Variants in MARCHF8 observed in about 807,000 individuals in gnomAD.
The protein encoded by MARCHF8 is membrane associated ring-CH-type finger 8.
MARCHF8 carries 40 observed loss-of-function variants against 51.6 expected under a neutral mutation model. The observed-to-expected ratio is 0.77, with a 90% CI of 0.60 to 1.01. The LOEUF is 1.01. MARCHF8 is among the 50% of genes least tolerant of loss of function. MARCHF8 has a pLI of 0.00. For synonymous variants in MARCHF8, 263 were observed against 280.3 expected, an observed-to-expected ratio of 0.94 and a Z score of 0.62; for missense variants, 685 against 708.6, an observed-to-expected ratio of 0.97 and a Z score of 0.38.
intron 1 of MARCHF8, among the ~76,000 whole-genome samples, chr10:45,571,865 T>C (rs1589187914): frequency 6.6e-6 from 1 of 152,200 alleles, no homozygotes; most frequent in South Asian, 2.1e-4. Flanking sequence ...GAGACATGTT[T>C]TATCCGTGGA....
chr10:45,542,092 TC>T (rs1164649803), intron 1 of MARCHF8, among the ~76,000 whole-genome samples: 1 of 152,150 alleles, frequency 6.6e-6, no homozygotes, highest in Non-Finnish European at 1.5e-5. Flanking sequence ...ATGCCGGTAA[TC>T]CCAGCACTCT....
Position 45,535,246 on chromosome 10 carries a change from T to C in MARCHF8, c.-114A>G, listed in dbSNP as rs2043955246. 6.6e-6 allele frequency: 1 copy of C among 152,238 alleles called. No homozygotes were observed. The highest frequency in any genetic ancestry group is 2.1e-4 in the South Asian group (1 of 4,836). 9.4% of individuals were successfully genotyped at this position (152,238 alleles called of 1,614,324 possible). On this transcript the variant is annotated 5_prime_UTR_variant, in exon 1 of 8. Coordinates refer to ENST00000453424, the MANE Select transcript of MARCHF8 (RefSeq NM_001282866.2). ...CCTTATACTCCCTGGGAGATCACAATAGTCAGTGGTAAGCAGTTTTTTCAT... is the reference window on the plus strand; with the variant it reads ...CCTTATACTCCCTGGGAGATCACAACAGTCAGTGGTAAGCAGTTTTTTCAT...
At position 45,466,899 on chromosome 10, in the gene MARCHF8, G is replaced by A. The variant is rs74319254; in HGVS notation, c.154-2572C>T. 2.4e-4 allele frequency among the ~76,000 whole-genome samples: 37 copies of A among 152,332 alleles called. No homozygotes were observed. The East Asian group carries it at 6.9e-3, about 29-fold the overall frequency. Reference sequence around the variant, plus strand: ...CAAGGCCTGAAGGTAGGAGGGCAGAGCCTCGTAACAAAACAAAGCCTGGAT... The same window carrying A: ...CAAGGCCTGAAGGTAGGAGGGCAGAACCTCGTAACAAAACAAAGCCTGGAT... On this transcript the variant is annotated intron_variant, in intron 3 of 7. Coordinates refer to ENST00000453424, the MANE Select transcript of MARCHF8 (RefSeq NM_001282866.2).
chr10:45,547,104 T>A (rs1220545873), intron 1 of MARCHF8, among the ~76,000 whole-genome samples: 1 of 152,030 alleles, frequency 6.6e-6, no homozygotes, highest in African/African-American at 2.4e-5. Flanking sequence ...AAGGGTACAA[T>A]AAATGTTAAA....
intron 2 of MARCHF8, among the ~76,000 whole-genome samples, chr10:45,489,741 G>T (rs2043049050): frequency 6.6e-6 from 1 of 152,184 alleles, no homozygotes; most frequent in Non-Finnish European, 1.5e-5. Context: ...TCACGTGAAA[G>T]TTCAGATGGT....
At chr10:45,560,387 C>A (rs1483455498) in intron 1 of MARCHF8, among the ~76,000 whole-genome samples, 1 of 152,182 alleles carries the variant, frequency 6.6e-6, no homozygotes, top group Non-Finnish European at 1.5e-5. Flanking sequence ...TGTAAAAAAA[C>A]TGATCTAGAT....
chr10:45,549,542 T>C lies in MARCHF8; in HGVS notation c.-78-16253A>G, dbSNP rs183244002. 1.2e-3 allele frequency among the ~76,000 whole-genome samples: 190 copies of C among 152,274 alleles called. 1 individual carries two copies. Among genetic ancestry groups the C allele is most frequent in the African/African-American group, 4.4e-3 (183 of 41,556 alleles). On this transcript the variant is annotated intron_variant, in intron 1 of 6. Transcript: ENST00000319836. ...CCTCTGCTTGCACTGTGTCTGCTGA[T>C]TGAGACCAAAGTCAAGAAGGGGGAA...
intron 3 of MARCHF8, among the ~76,000 whole-genome samples, chr10:45,476,354 A>G (rs35124937): frequency 0.011 from 1,735 of 152,320 alleles, 20 homozygotes; most frequent in Non-Finnish European, 0.014. Flanking sequence ...GCTTGAGGCT[A>G]GGAGTTCGAG....
intron 1 of MARCHF8, among the ~76,000 whole-genome samples, chr10:45,575,347 A>G (rs1403156061): frequency 6.6e-6 from 1 of 152,142 alleles, no homozygotes; most frequent in Non-Finnish European, 1.5e-5. Flanking sequence ...GGGTTTTTGG[A>G]CCAAGGAAAA....
intron 3 of MARCHF8, among the ~76,000 whole-genome samples, chr10:45,483,552 A>G (rs542532199): frequency 1.3e-5 from 2 of 152,334 alleles, no homozygotes; most frequent in East Asian, 3.9e-4. Flanking sequence ...TAATCCAGCA[A>G]TCTCACTACA....
intron 3 of MARCHF8, among the ~76,000 whole-genome samples, chr10:45,473,345 G>A (rs561163414): frequency 6.6e-6 from 1 of 152,344 alleles, no homozygotes; most frequent in Non-Finnish European, 1.5e-5. Context: ...ATCACAGTCT[G>A]CAAGGCCCCA....
intron 2 of MARCHF8, among the ~76,000 whole-genome samples, chr10:45,490,886 T>A (rs1015063485): frequency 1.3e-5 from 2 of 152,132 alleles, no homozygotes; most frequent in African/African-American, 4.8e-5. Context: ...TACAGGGATG[T>A]GCCAACATGT....
At chr10:45,502,656 T>C (rs1264310961) in intron 2 of MARCHF8, among the ~76,000 whole-genome samples, 2 of 152,134 alleles carry the variant, frequency 1.3e-5, no homozygotes, top group African/African-American at 2.4e-5. Context: ...TTTTCAAATA[T>C]TGACAAAAGA....
chr10:45,572,869 C>G (rs1394579617), intron 1 of MARCHF8, among the ~76,000 whole-genome samples: 1 of 151,918 alleles, frequency 6.6e-6, no homozygotes, highest in Non-Finnish European at 1.5e-5. Flanking sequence ...GAAGACAGTC[C>G]CAAGTCTTTC....
At chr10:45,533,318 T>A in intron 1 of MARCHF8, 29 bp from the exon 2 acceptor site, 2 of 1,347,428 alleles carry the variant, frequency 1.5e-6, no homozygotes. Flanking sequence ...AGAATAAACA[T>A]AACTCAGCTA....
At chr10:45,529,786 A>G (rs117126848) in intron 2 of MARCHF8, among the ~76,000 whole-genome samples, 12 of 152,334 alleles carry the variant, frequency 7.9e-5, no homozygotes, top group East Asian at 7.7e-4. Context: ...AAAAAAATCA[A>G]TAACAGATGT....
intron 6 of MARCHF8, among the ~76,000 whole-genome samples, chr10:45,460,641 G>A (rs907737480): frequency 6.6e-6 from 1 of 152,200 alleles, no homozygotes; most frequent in African/African-American, 2.4e-5. Context: ...CCAGTGTGGC[G>A]GACAAAGCTC....
intron 2 of MARCHF8, among the ~76,000 whole-genome samples, chr10:45,524,473 T>A (rs2043758956): frequency 6.6e-6 from 1 of 152,334 alleles, no homozygotes; most frequent in East Asian, 1.9e-4. Flanking sequence ...AATTAATCTC[T>A]TGTGGCCCTT....
intron 2 of MARCHF8, among the ~76,000 whole-genome samples, chr10:45,500,093 T>G (rs1190600998): frequency 6.6e-6 from 1 of 152,228 alleles, no homozygotes; most frequent in Admixed American, 6.5e-5. Flanking sequence ...ATTTTATGTC[T>G]TCTTTAATTT....
Sources: gnomAD v4.1 joint callset for allele counts (sites outside exome capture counted in the v4.1 genomes callset) on GRCh38, gnomAD v4.1.1 for gene constraint, MANE v1.5 for transcripts, NCBI Gene and HGNC (gene_info 2026-07-23, HGNC 2026-07-21) for gene names.